The following MAPK8IP1 variants were observed in gnomAD, a reference collection of about 807,000 sequenced individuals.
MAPK8IP1 encodes mitogen-activated protein kinase 8 interacting protein 1.
Under a neutral mutation model 72.6 loss-of-function variants are expected in MAPK8IP1, and 17 were observed. The ratio of observed to expected loss-of-function variants is 0.23; its 90% CI spans 0.16 to 0.35. The LOEUF is 0.35. MAPK8IP1 is among the 10% of genes least tolerant of loss of function. The pLI is 1.00. For synonymous variants in MAPK8IP1, 401 were observed against 443.4 expected (o/e 0.90, Z 1.20); for missense variants, 789 against 1,009.7 (o/e 0.78, Z 2.96).
At position 45,903,235 on chromosome 11, in the gene MAPK8IP1, G is replaced by C. The variant is rs767839686; in HGVS notation, c.1417+51G>C. On this transcript the variant is annotated intron_variant, in intron 5 of 11. Transcript: ENST00000241014. This position sits in a 1 kb window ranked among gnomAD's most constrained non-coding sequence, Gnocchi z 6.4. ...GGTGGGGGGGTCCCTAGCGGGGGCA[G>C]AGCCAAAATGCGAAGTGTTCTGGGA... The C allele has an allele frequency of 1.8e-5, 29 of 1,589,216 alleles. No individual in the cohort carries two copies. In the African/African-American group the frequency reaches 3.6e-4, roughly 20 times the overall value.
intron 3 of MAPK8IP1, 96 bp from the exon 4 acceptor site, chr11:45,901,884 G>C: frequency 1.1e-6 from 1 of 892,976 alleles, no homozygotes; most frequent in Non-Finnish European, 1.9e-6. Flanking sequence ...CACAGCAAAT[G>C]GCCCTAGGGA....
rs750065668 is a variant in MAPK8IP1, at chr11:45,903,417, G to C, written c.1470G>C (p.Glu490Asp). The C allele has an allele frequency of 6.2e-7, 1 of 1,613,106 alleles. No individual in the cohort carries two copies. The highest frequency in any genetic ancestry group is 1.3e-5 in the African/African-American group (1 of 75,052). ...FSCIINGEEQ[E>D]QTHRAIFRFV... is the part of the protein sequence containing the mutation. ...GCATCATCAACGGGGAGGAGCAGGA[G>C]CAGACCCACCGGGCCATATTCAGGT... is the stretch of plus-strand genomic sequence containing the variant. The change falls in exon 6 of 12, where the codon GAG becomes GAC. Residue 490 changes from glutamate to aspartate, a missense_variant. This residue lies in a region of MAPK8IP1 where 377 missense variants were observed against 411.7 expected (regional missense o/e 0.92). Transcript: ENST00000241014. This position sits in a 1 kb window ranked among gnomAD's most constrained non-coding sequence, Gnocchi z 6.4.
chr11:45,887,340 C>T (rs2086535256), intron 1 of MAPK8IP1, among the ~76,000 whole-genome samples: 1 of 152,178 alleles, frequency 6.6e-6, no homozygotes, highest in African/African-American at 2.4e-5. Context: ...CAGTGTTCAA[C>T]AAGTGTCAGC....
At chr11:45,905,100 G>T (rs2086694831) in intron 10 of MAPK8IP1, 51 bp from the exon 11 acceptor site, 4 of 1,611,840 alleles carry the variant, frequency 2.5e-6, no homozygotes, top group African/African-American at 1.3e-5. Flanking sequence ...CTTGAGGTGG[G>T]TGGGTGTGGG....
intron 1 of MAPK8IP1, among the ~76,000 whole-genome samples, chr11:45,888,562 G>C (rs577287836): frequency 6.6e-6 from 1 of 152,118 alleles, no homozygotes; most frequent in Non-Finnish European, 1.5e-5. Flanking sequence ...GACCTGAAGG[G>C]GTGGGAGCAT....
chr11:45,905,555 G>A, intron 11 of MAPK8IP1, 94 bp from the exon 12 acceptor site: 1 of 1,131,156 alleles, frequency 8.8e-7, no homozygotes, highest in Non-Finnish European at 1.3e-6. Flanking sequence ...CTGCACTTGG[G>A]CCCCAAGGCT....
intron 1 of MAPK8IP1, among the ~76,000 whole-genome samples, chr11:45,888,065 T>C (rs923602994): frequency 2.6e-5 from 4 of 152,186 alleles, no homozygotes; most frequent in African/African-American, 9.7e-5. Context: ...ATGCCAGCAC[T>C]GGCCCCTGCT....
Position 45,904,252 on chromosome 11 carries a change from A to C in MAPK8IP1, c.1666+91A>C. ...TGAACGTGTACTCCAGATCTCAGCCAGCCAGGTGGGGGGCTGAGTGGAAGT... is the reference window on the plus strand; with the variant it reads ...TGAACGTGTACTCCAGATCTCAGCCCGCCAGGTGGGGGGCTGAGTGGAAGT... On this transcript the variant is annotated intron_variant, in intron 7 of 11. Transcript: ENST00000241014. The surrounding 1 kb of genome is among the most constrained non-coding windows in gnomAD (Gnocchi z 6.4). 4.9e-6 allele frequency: 7 copies of C among 1,421,596 alleles called. No individual in the cohort carries two copies. Among genetic ancestry groups the C allele is most frequent in the Non-Finnish European group, 6.8e-6 (7 of 1,024,958 alleles). The allele number at this position is 1,421,596 out of a possible 1,614,324, so 88.1% of individuals were successfully genotyped here.
At chr11:45,905,615 G>T (rs567137970) in intron 11 of MAPK8IP1, 34 bp from the exon 12 acceptor site, 17 of 1,591,280 alleles carry the variant, frequency 1.1e-5, no homozygotes, top group Non-Finnish European at 1.5e-5. Flanking sequence ...TGCCAGTGGC[G>T]ATCTGAGCCA....
chr11:45,890,584 G>T (rs912438058), intron 1 of MAPK8IP1, among the ~76,000 whole-genome samples: 6 of 152,148 alleles, frequency 3.9e-5, no homozygotes, highest in African/African-American at 1.4e-4. Flanking sequence ...GGAGGGACAG[G>T]TTCAGGGTGT....
Position 45,885,875 on chromosome 11 carries a change from G to A in MAPK8IP1, c.55G>A (p.Ala19Thr). 6.9e-7 allele frequency: 1 copy of A among 1,458,706 alleles called. No homozygotes were observed. The highest frequency in any genetic ancestry group is 9.1e-7 in the Non-Finnish European group (1 of 1,101,970). The allele number at this position is 1,458,706 out of a possible 1,614,324, so 90.4% of individuals were successfully genotyped here. Residue 19 changes from alanine (A) to threonine (T), a missense_variant, in exon 1 of 12, where the codon GCC becomes ACC. By Grantham distance (58) the Ala-to-Thr change is moderately conservative (BLOSUM62 0). Coordinates refer to ENST00000241014, the MANE Select transcript of MAPK8IP1 (RefSeq NM_005456.4). ...LGGGAASPPA[A>T]SPFLGLHIAS... ...AGGGGGGGCCGCGTCCCCGCCCGCC[G>A]CCTCCCCGTTCCTGGGGCTGCACAT...
Position 45,904,624 on chromosome 11 carries a change from G to C in MAPK8IP1, c.1776+60G>C. On this transcript the variant is annotated intron_variant, in intron 8 of 11. Coordinates refer to ENST00000241014, the MANE Select transcript of MAPK8IP1 (RefSeq NM_005456.4). This position sits in a 1 kb window ranked among gnomAD's most constrained non-coding sequence, Gnocchi z 6.4. ...GGGTCCCTGGGGCAGAGGGACGCAG[G>C]TGTCTAGAGGCAGTAAAGGGCTCAG... 2 of 1,591,730 alleles carry C rather than the reference G, an allele frequency of 1.3e-6. No individual in the cohort carries two copies. The highest frequency in any genetic ancestry group is 2.7e-5 in the African/African-American group (2 of 74,530).
intron 1 of MAPK8IP1, chr11:45,896,791 C>T: frequency 2.0e-6 from 3 of 1,537,348 alleles, no homozygotes; most frequent in Non-Finnish European, 2.6e-6. Flanking sequence ...AGGCCCCCAG[C>T]CCTGCCTTGA....
At position 45,900,319 on chromosome 11, in the gene MAPK8IP1, A is replaced by C. The variant is rs997145741; in HGVS notation, c.389A>C (p.Glu130Ala). 1.4e-6 allele frequency: 2 copies of C among 1,419,788 alleles called. No homozygotes were observed. Among genetic ancestry groups the C allele is most frequent in the African/African-American group, 3.0e-5 (2 of 66,050 alleles). The allele number at this position is 1,419,788 out of a possible 1,614,324, so 87.9% of individuals were successfully genotyped here. A position where few individuals can be genotyped will look rare whatever the true frequency, so the allele number is the denominator to read the frequency against. Residue 130 changes from glutamate (E) to alanine (A), a missense_variant, in exon 3 of 12, where the codon GAG (glutamate) becomes GCG (alanine). By Grantham distance (107) the Glu-to-Ala change is moderately radical. Coordinates refer to ENST00000241014, the MANE Select transcript of MAPK8IP1 (RefSeq NM_005456.4). This position sits in a 1 kb window ranked among gnomAD's most constrained non-coding sequence, Gnocchi z 6.5. ...CCGGGAGCGGGGCCGCCCAAGGCCG[A>C]GTCCGGCCAGGAGCCGGCGTCCCGC... The part of the protein sequence containing the change: ...RRPGAGPPKA[E>A]SGQEPASRGQ...
intron 1 of MAPK8IP1, among the ~76,000 whole-genome samples, chr11:45,897,781 A>AC (rs1401235142): frequency 6.6e-6 from 1 of 152,146 alleles, no homozygotes; most frequent in African/African-American, 2.4e-5. Flanking sequence ...GGAGGCTCTG[A>AC]CCAGTTGGGC....
At position 45,905,015 on chromosome 11, in the gene MAPK8IP1, C is replaced by T. The variant is rs763434491; in HGVS notation, c.1938C>T (p.Phe646=). The T allele has an allele frequency of 6.2e-6, 10 of 1,614,178 alleles. No homozygotes were observed. In the South Asian group the frequency reaches 7.7e-5, roughly 12 times the overall value. The change falls in exon 10 of 12, where the codon TTC becomes TTT. Residue 646 remains phenylalanine (F), a synonymous_variant. Coordinates refer to ENST00000241014, the MANE Select transcript of MAPK8IP1 (RefSeq NM_005456.4). ...SHFFQLKNIS[F]CGYHPKNNKY... is the part of the protein sequence containing the mutation. Reference sequence around the variant, plus strand: ...TTTTCCAGTTAAAAAACATCTCTTTCTGCGGATATCATCCAAAGAACAACA... The same window carrying T: ...TTTTCCAGTTAAAAAACATCTCTTTTTGCGGATATCATCCAAAGAACAACA...
At chr11:45,885,943 G>A (rs2086523622) in intron 1 of MAPK8IP1, 22 bp downstream of exon 1, 3 of 1,441,458 alleles carry the variant, frequency 2.1e-6, no homozygotes, top group Non-Finnish European at 9.2e-7. Context: ...CGGCCGCCGC[G>A]CGCCTCGCCC....
Position 45,904,491 on chromosome 11 carries a change from G to T in MAPK8IP1, c.1703G>T (p.Arg568Leu), listed in dbSNP as rs771322853. 2 of 1,614,128 alleles carry T rather than the reference G, an allele frequency of 1.2e-6. No homozygotes were observed. The highest frequency in any genetic ancestry group is 1.7e-6 in the Non-Finnish European group (2 of 1,180,028). ...AKNSDWVDQFRVKFLGSVQVP... is the reference protein window; with the variant it reads ...AKNSDWVDQFLVKFLGSVQVP... Reference sequence around the variant, plus strand: ...AACAGTGACTGGGTGGACCAGTTCCGGGTGAAGTTCCTGGGCTCAGTCCAG... The same window carrying T: ...AACAGTGACTGGGTGGACCAGTTCCTGGTGAAGTTCCTGGGCTCAGTCCAG... Residue 568 changes from arginine to leucine, a missense_variant, in exon 8 of 12, where the codon CGG becomes CTG. By Grantham distance (102) the Arg-to-Leu change is moderately radical. Around this residue, in one of 4 missense-constraint regions of MAPK8IP1, gnomAD observed 188 missense variants for 293.3 expected, o/e 0.64. Transcript: ENST00000241014. The surrounding 1 kb of genome is among the most constrained non-coding windows in gnomAD (Gnocchi z 6.4).
rs1022800555 is a variant in MAPK8IP1 at position 45,885,892 on chromosome 11, G to T, written c.72G>T (p.Gly24=). Residue 24 remains glycine, a synonymous_variant, in exon 1 of 12, where the codon GGG becomes GGT. Transcript: ENST00000241014. The part of the protein sequence containing the change: ...ASPPAASPFL[G]LHIASPPNFR... ...CGCCCGCCGCCTCCCCGTTCCTGGG[G>T]CTGCACATCGCTTCGCCTCCCAATT... 86 of 1,475,928 alleles carry T rather than the reference G, an allele frequency of 5.8e-5. No homozygotes were observed. Among genetic ancestry groups the T allele is most frequent in the Non-Finnish European group, 6.8e-5 (75 of 1,110,454 alleles). The allele number at this position is 1,475,928 out of a possible 1,614,324, so 91.4% of individuals were successfully genotyped here.
Sources: allele counts gnomAD v4.1 joint callset (sites outside exome capture counted in the v4.1 genomes callset), GRCh38; gene constraint gnomAD v4.1.1; regional missense constraint gnomAD v4.1.1; non-coding constraint Gnocchi (gnomAD v3.1); transcripts MANE v1.5; gene names NCBI Gene and HGNC (gene_info 2026-07-23, HGNC 2026-07-21).